The following AGBL1 variants were observed in gnomAD, a reference collection of about 807,000 sequenced individuals.
The protein encoded by AGBL1 is cytosolic carboxypeptidase 4.
A neutral mutation model predicts 118.9 loss-of-function variants in AGBL1; 130 were observed. That is an observed-to-expected ratio of 1.09 (90% CI 0.95 to 1.26). AGBL1 has a LOEUF of 1.26. Ranked by LOEUF, AGBL1 falls within the 50% of genes most tolerant of loss-of-function variation. AGBL1 has a pLI of 0.00. For synonymous variants in AGBL1, 555 were observed against 478.9 expected (o/e 1.16, Z -2.08); for missense variants, 1,584 against 1,298.1 (o/e 1.22, Z -3.38).
intron 24 of AGBL1, among the ~76,000 whole-genome samples, chr15:87,002,596 C>T (rs2081452066): frequency 6.6e-6 from 1 of 152,122 alleles, no homozygotes; most frequent in Admixed American, 6.6e-5. Context: ...GATATTGATT[C>T]TTCCTATCCA....
chr15:86,554,237 T>C (rs9788743), intron 20 of AGBL1, 124 bp from the exon 21 acceptor site: 463,471 of 827,010 alleles, frequency 0.56, 132,000 homozygotes, highest in East Asian at 0.78. Flanking sequence ...TTAGGGTTAA[T>C]AAATGATTTA....
chr15:86,619,963 G>C (rs898799160), intron 21 of AGBL1, among the ~76,000 whole-genome samples: 6 of 152,162 alleles, frequency 3.9e-5, no homozygotes, highest in African/African-American at 1.4e-4. Context: ...GCTGCTATCA[G>C]GACCCAGTCT....
intron 22 of AGBL1, among the ~76,000 whole-genome samples, chr15:86,779,918 C>T (rs1003339809): frequency 5.2e-5 from 5 of 96,194 alleles, no homozygotes; most frequent in African/African-American, 1.6e-4. Flanking sequence ...GGACACCCCC[C>T]CAACACACAC....
At chr15:86,515,003 C>A (rs111491516) in intron 18 of AGBL1, among the ~76,000 whole-genome samples, 2 of 152,094 alleles carry the variant, frequency 1.3e-5, no homozygotes, top group Admixed American at 1.3e-4. Flanking sequence ...CATTTTGTGA[C>A]GGCACCAAAT....
intron 5 of AGBL1, among the ~76,000 whole-genome samples, chr15:86,171,306 T>A (rs541408809): frequency 6.6e-6 from 1 of 152,308 alleles, no homozygotes; most frequent in South Asian, 2.1e-4. Flanking sequence ...GTAATCTCAA[T>A]GTAGTCTGGA....
chr15:86,214,131 A>G (rs775963183), intron 5 of AGBL1, among the ~76,000 whole-genome samples: 21 of 152,262 alleles, frequency 1.4e-4, no homozygotes, highest in Non-Finnish European at 2.5e-4. Flanking sequence ...AACAGGACAG[A>G]TAACAGTCAG....
chr15:86,391,640 G>GTTTTTTTTTTTTTTTTTTT (rs751427467), intron 17 of AGBL1, among the ~76,000 whole-genome samples: 1 of 73,784 alleles, frequency 1.4e-5, no homozygotes, highest in Non-Finnish European at 2.3e-5. Context: ...GTTGTTGTTG[G>GTTTTTTTTTTTTTTTTTTT]TTTTTTTTTT....
chr15:86,203,903 C>A (rs891758343), intron 5 of AGBL1, among the ~76,000 whole-genome samples: 1 of 151,938 alleles, frequency 6.6e-6, no homozygotes, highest in African/African-American at 2.4e-5. Context: ...TGATTAGGAT[C>A]CAATAGATGT....
chr15:86,600,362 A>G (rs747872939), intron 21 of AGBL1, among the ~76,000 whole-genome samples: 6 of 152,182 alleles, frequency 3.9e-5, no homozygotes, highest in Non-Finnish European at 7.4e-5. Context: ...CAGAAACACA[A>G]ATATTATCAG....
intron 18 of AGBL1, among the ~76,000 whole-genome samples, chr15:86,519,447 A>G (rs1038075048): frequency 6.6e-6 from 1 of 152,172 alleles, no homozygotes; most frequent in African/African-American, 2.4e-5. Flanking sequence ...TTTCATCTTC[A>G]AATGCTTAAA....
chr15:86,992,393 C>CA (rs982030671), intron 24 of AGBL1, among the ~76,000 whole-genome samples: 1 of 152,110 alleles, frequency 6.6e-6, no homozygotes, highest in Non-Finnish European at 1.5e-5. Context: ...TTAGTTAATG[C>CA]AAAAATACAT....
chr15:86,304,404 T>C (rs1277287143), intron 17 of AGBL1, among the ~76,000 whole-genome samples: 1 of 152,226 alleles, frequency 6.6e-6, no homozygotes, highest in Non-Finnish European at 1.5e-5. Flanking sequence ...TCCCGGATCA[T>C]GATATCTAAT....
chr15:86,484,074 T>G (rs895272842), intron 18 of AGBL1, among the ~76,000 whole-genome samples: 18 of 152,214 alleles, frequency 1.2e-4, no homozygotes, highest in Non-Finnish European at 2.6e-4. Flanking sequence ...TATCTATCCG[T>G]GAAGAGCCAT....
At chr15:86,552,297 G>A (rs1355052916) in intron 20 of AGBL1, among the ~76,000 whole-genome samples, 1 of 152,030 alleles carries the variant, frequency 6.6e-6, no homozygotes, top group Non-Finnish European at 1.5e-5. Context: ...ACCTAAAACT[G>A]CTTTAAATAA....
chr15:86,597,798 G>A (rs2084433097), intron 21 of AGBL1, among the ~76,000 whole-genome samples: 1 of 152,148 alleles, frequency 6.6e-6, no homozygotes, highest in East Asian at 1.9e-4. Context: ...AAAACTTCAG[G>A]TGATCTAATT....
intron 5 of AGBL1, among the ~76,000 whole-genome samples, chr15:86,210,895 C>A (rs1279843015): frequency 6.6e-6 from 1 of 152,164 alleles, no homozygotes; most frequent in African/African-American, 2.4e-5. Flanking sequence ...GGAGAAAAGG[C>A]ACTCTGGTTT....
At chr15:86,928,244 G>A (rs1336854935) in intron 23 of AGBL1, among the ~76,000 whole-genome samples, 1 of 152,162 alleles carries the variant, frequency 6.6e-6, no homozygotes, top group Non-Finnish European at 1.5e-5. Flanking sequence ...CAGAATCTGT[G>A]ATGCAGAGCA....
chr15:86,632,274 T>TAAA (rs138490379), intron 21 of AGBL1, among the ~76,000 whole-genome samples: 3 of 125,274 alleles, frequency 2.4e-5, no homozygotes, highest in Admixed American at 8.1e-5. Context: ...TCTTTCTCTT[T>TAAA]AAAAAAAAAA....
At chr15:86,760,658 C>A (rs1000222958) in intron 22 of AGBL1, among the ~76,000 whole-genome samples, 1 of 152,060 alleles carries the variant, frequency 6.6e-6, no homozygotes, top group Non-Finnish European at 1.5e-5. Context: ...TTCCCCTCTG[C>A]AAAAAGAAAT....
Sources: gnomAD v4.1 joint callset for allele counts (sites outside exome capture counted in the v4.1 genomes callset) on GRCh38, gnomAD v4.1.1 for gene constraint, MANE v1.5 for transcripts, NCBI Gene and HGNC (gene_info 2026-07-23, HGNC 2026-07-21) for gene names.